Variants in BAG2 observed in about 807,000 individuals in gnomAD.
The protein encoded by BAG2 is BAG cochaperone 2, also known as BAG family molecular chaperone regulator 2.
BAG2 carries 8 observed loss-of-function variants against 16.4 expected under a neutral mutation model. That is an observed-to-expected ratio of 0.49 (90% CI 0.29 to 0.88). The LOEUF (loss-of-function observed/expected upper bound fraction) is 0.88. Among genes scored for constraint, BAG2 ranks in the 40% least tolerant of loss-of-function variants. BAG2 has a pLI of 0.09. For missense variants in BAG2, 218 were observed against 248.9 expected (o/e 0.88, Z 0.84); for synonymous variants, 82 against 89.2 (o/e 0.92, Z 0.46).
intron 1 of BAG2, among the ~76,000 whole-genome samples, chr6:57,177,826 G>T (rs1764326912): frequency 6.6e-6 from 1 of 152,186 alleles, no homozygotes; most frequent in Non-Finnish European, 1.5e-5. Flanking sequence ...GCGCAAAATT[G>T]CTGTTGTACT....
intron 1 of BAG2, chr6:57,174,298 GAA>G: frequency 1.5e-6 from 2 of 1,302,928 alleles, no homozygotes; most frequent in South Asian, 1.2e-5. Context: ...TAGCCAGAAA[GAA>G]AAGTTTTCCT....
rs1308598515 is a variant in BAG2 at position 57,187,326 on chromosome 6, CAG to C, written c.*3139_*3140del. ...CCAGGAGTTTGATGACTGGATATTT[CAG>C]AGTCTACTGCGGGTTTTAAATATTT... is the stretch of plus-strand genomic sequence containing the variant. On this transcript the variant is annotated 3_prime_UTR_variant, in exon 3 of 3. Coordinates refer to ENST00000370693, the MANE Select transcript of BAG2 (RefSeq NM_004282.4). The C allele has an allele frequency of 2.0e-5, 3 of 152,244 alleles. No homozygotes were observed. The highest frequency in any genetic ancestry group is 1.3e-4 in the Admixed American group (2 of 15,288). 9.4% of individuals were successfully genotyped at this position (152,244 alleles called of 1,614,324 possible).
chr6:57,184,299 A>T lies in BAG2; in HGVS notation c.*109A>T. The T allele has an allele frequency of 9.4e-7, 1 of 1,063,348 alleles. No homozygotes were observed. The highest frequency in any genetic ancestry group is 1.2e-6 in the Non-Finnish European group (1 of 807,758). The allele number at this position is 1,063,348 out of a possible 1,614,324, so 65.9% of individuals were successfully genotyped here. On this transcript the variant is annotated 3_prime_UTR_variant, in exon 3 of 3. Coordinates refer to ENST00000370693, the MANE Select transcript of BAG2 (RefSeq NM_004282.4). The stretch of plus-strand genomic sequence containing the variant: ...AGGTATAACCACTTAGTTGACACTG[A>T]TAGTTGTTTCAGATGAGGAAAATAT...
At chr6:57,175,946 A>G (rs935849154) in intron 1 of BAG2, among the ~76,000 whole-genome samples, 10 of 152,186 alleles carry the variant, frequency 6.6e-5, no homozygotes, top group African/African-American at 2.2e-4. Flanking sequence ...TAGACTTGCA[A>G]CGGTGGAGGG....
In BAG2 at chr6:57,187,444, T is replaced by TAAC. The variant is rs963867414; in HGVS notation, c.*3256_*3258dup. ...GTGACAATAGTACATGTGACATTCT[T>TAAC]AACAGTTAAAAACTGAGTAAGTCCT... On this transcript the variant is annotated 3_prime_UTR_variant, in exon 3 of 3. Transcript: ENST00000370693. The TAAC allele has an allele frequency of 6.6e-6, 1 of 152,188 alleles. No individual in the cohort carries two copies. The highest frequency in any genetic ancestry group is 2.1e-4 in the South Asian group (1 of 4,832). 9.4% of individuals were successfully genotyped at this position (152,188 alleles called of 1,614,324 possible). A position where few individuals can be genotyped will look rare whatever the true frequency, so the allele number is the denominator to read the frequency against.
rs142208680 is a variant in BAG2, at chr6:57,174,270, C to T, written c.113+1460C>T. 5.4e-6 allele frequency: 7 copies of T among 1,293,702 alleles called. No individual in the cohort carries two copies. In the African/African-American group the frequency reaches 7.6e-5, roughly 14 times the overall value. 80.1% of individuals were successfully genotyped at this position (1,293,702 alleles called of 1,614,324 possible). On this transcript the variant is annotated intron_variant, in intron 1 of 2. Coordinates refer to ENST00000370693, the MANE Select transcript of BAG2 (RefSeq NM_004282.4). ...AACGTTGAGGGCATGTTCTCAACCACTTCATTCTCCTCTCCCTTAGCCAGA... is the reference window on the plus strand; with the variant it reads ...AACGTTGAGGGCATGTTCTCAACCATTTCATTCTCCTCTCCCTTAGCCAGA...
rs1764552148 is a variant in BAG2, at chr6:57,184,083, C to T, written c.529C>T (p.Leu177=). 1.1e-5 allele frequency: 18 copies of T among 1,611,676 alleles called. No individual in the cohort carries two copies. Among genetic ancestry groups the T allele is most frequent in the Non-Finnish European group, 1.3e-5 (15 of 1,179,494 alleles). The change falls in exon 3 of 3, where the codon CTG becomes TTG. Residue 177 remains leucine, a synonymous_variant. Transcript: ENST00000370693. ...GAAAATTAAGAGAAGATTAGAGACT[C>T]TGCTTAGAAATATTGAAAACTCTGA... ...QKKIKRRLET[L]LRNIENSDKA...
chr6:57,178,676 G>GCC (rs1764354863), intron 1 of BAG2, among the ~76,000 whole-genome samples: 1 of 152,024 alleles, frequency 6.6e-6, no homozygotes, highest in Non-Finnish European at 1.5e-5. Context: ...AAATGAAAAA[G>GCC]GTATACATAA....
Position 57,184,400 on chromosome 6 carries a change from T to C in BAG2, c.*210T>C, listed in dbSNP as rs1260327220. On this transcript the variant is annotated 3_prime_UTR_variant, in exon 3 of 3. Transcript: ENST00000370693. The stretch of plus-strand genomic sequence containing the variant: ...TTATCTATCTAGAGATTTTTTAGAT[T>C]GAATTCTTGTCTTGTACTAGGATCT... The C allele has an allele frequency of 2.2e-5, 9 of 406,760 alleles. No homozygotes were observed. The highest frequency in any genetic ancestry group is 2.0e-4 in the East Asian group (5 of 24,906). 25.2% of individuals were successfully genotyped at this position (406,760 alleles called of 1,614,324 possible).
chr6:57,176,040 T>C (rs939991956), intron 1 of BAG2, among the ~76,000 whole-genome samples: 2 of 152,130 alleles, frequency 1.3e-5, no homozygotes, highest in African/African-American at 2.4e-5. Flanking sequence ...AGTTGGGGGA[T>C]ACTTAGCTGC....
chr6:57,177,699 C>T (rs1228829778), intron 1 of BAG2, among the ~76,000 whole-genome samples: 3 of 152,272 alleles, frequency 2.0e-5, no homozygotes, highest in African/African-American at 4.8e-5. Context: ...AAGCACTGTT[C>T]CCTTATCATC....
chr6:57,173,157 G>A, intron 1 of BAG2: 2 of 1,010,768 alleles, frequency 2.0e-6, no homozygotes, highest in South Asian at 4.6e-5. Flanking sequence ...GACTGTGGCA[G>A]CTTGGGTCTG....
chr6:57,178,345 C>T (rs542879869), intron 1 of BAG2, among the ~76,000 whole-genome samples: 9 of 152,034 alleles, frequency 5.9e-5, no homozygotes, highest in Non-Finnish European at 8.8e-5. Flanking sequence ...ACAGTACAAA[C>T]GTTACTTAAA....
Position 57,185,368 on chromosome 6 carries a change from CACA to C in BAG2, c.*1184_*1186del, listed in dbSNP as rs1350231006. 1 of 152,088 alleles carries C rather than the reference CACA, an allele frequency of 6.6e-6. No homozygotes were observed. Among genetic ancestry groups the C allele is most frequent in the East Asian group, 1.9e-4 (1 of 5,196 alleles). The allele number at this position is 152,088 out of a possible 1,614,324, so 9.4% of individuals were successfully genotyped here. On this transcript the variant is annotated 3_prime_UTR_variant, in exon 3 of 3. Coordinates refer to ENST00000370693, the MANE Select transcript of BAG2 (RefSeq NM_004282.4). The stretch of plus-strand genomic sequence containing the variant: ...ACTAGTCCTATTGATATACAAAAAC[CACA>C]ACAACTTCCCTGGATACTATTTTGA...
Position 57,187,202 on chromosome 6 carries a change from C to T in BAG2, c.*3012C>T, listed in dbSNP as rs1332159733. ...TTTTCCTTTTATCCCCAATTTTTTG[C>T]TTTTAAAAGACCATTTACTAACATC... is the stretch of plus-strand genomic sequence containing the variant. On this transcript the variant is annotated 3_prime_UTR_variant, in exon 3 of 3. Transcript: ENST00000370693. The T allele has an allele frequency of 6.6e-6, 1 of 151,942 alleles. No homozygotes were observed. Among genetic ancestry groups the T allele is most frequent in the African/African-American group, 2.4e-5 (1 of 41,374 alleles). The allele number at this position is 151,942 out of a possible 1,614,324, so 9.4% of individuals were successfully genotyped here.
chr6:57,186,423 TCTC>T lies in BAG2; in HGVS notation c.*2236_*2238del, dbSNP rs1383763286. 2.0e-5 allele frequency: 3 copies of T among 152,464 alleles called. No homozygotes were observed. The highest frequency in any genetic ancestry group is 7.2e-5 in the African/African-American group (3 of 41,434). The allele number at this position is 152,464 out of a possible 1,614,324, so 9.4% of individuals were successfully genotyped here. On this transcript the variant is annotated 3_prime_UTR_variant, in exon 3 of 3. Transcript: ENST00000370693. ...CCTCCACCTCCCGGGTTCAAGCGAT[TCTC>T]CTGCCTCAGCCTCCCTAGTAGTTGG...
chr6:57,177,286 C>T (rs937611435), intron 1 of BAG2, among the ~76,000 whole-genome samples: 1 of 152,030 alleles, frequency 6.6e-6, no homozygotes, highest in Admixed American at 6.5e-5. Context: ...CGTGGTGGCG[C>T]ATGTCTGTAG....
rs1288149257 is a variant in BAG2 at position 57,188,937 on chromosome 6, A to C, written c.*4747A>C. 2.0e-5 allele frequency: 3 copies of C among 152,210 alleles called. No homozygotes were observed. The highest frequency in any genetic ancestry group is 7.2e-5 in the African/African-American group (3 of 41,458). 9.4% of individuals were successfully genotyped at this position (152,210 alleles called of 1,614,324 possible). A position where few individuals can be genotyped will look rare whatever the true frequency, so the allele number is the denominator to read the frequency against. ...GGAAAAACAAAAGATAAAACACAAA[A>C]GGAGTACATAAAACATTGTTTAGTA... is the stretch of plus-strand genomic sequence containing the variant. On this transcript the variant is annotated 3_prime_UTR_variant, in exon 3 of 3. Transcript: ENST00000370693.
At position 57,183,866 on chromosome 6, in the gene BAG2, C is replaced by T; in HGVS notation, c.312C>T (p.Pro104=). 1 of 1,613,988 alleles carries T rather than the reference C, an allele frequency of 6.2e-7. No homozygotes were observed. Among genetic ancestry groups the T allele is most frequent in the Non-Finnish European group, 8.5e-7 (1 of 1,179,976 alleles). The change falls in exon 3 of 3, where the codon CCC becomes CCT. Residue 104 remains proline (P), a synonymous_variant. Coordinates refer to ENST00000370693, the MANE Select transcript of BAG2 (RefSeq NM_004282.4). ...VEVSVETIRN[P]QQQESLKHAT... ...TGTCAGTAGAAACAATTAGAAACCCCCAGCAGCAAGAATCCCTAAAGCATG... is the reference window on the plus strand; with the variant it reads ...TGTCAGTAGAAACAATTAGAAACCCTCAGCAGCAAGAATCCCTAAAGCATG...
Sources: allele counts gnomAD v4.1 joint callset (sites outside exome capture counted in the v4.1 genomes callset), GRCh38; gene constraint gnomAD v4.1.1; transcripts MANE v1.5; gene names NCBI Gene and HGNC (gene_info 2026-07-23, HGNC 2026-07-21).